Variants in CFH observed in about 807,000 individuals in gnomAD.
CFH encodes complement factor H, also known as H factor 1 (complement).
Under a neutral mutation model 147.3 loss-of-function variants are expected in CFH, and 53 were observed. The observed-to-expected ratio is 0.36, with a 90% confidence interval of 0.29 to 0.45. CFH has a LOEUF of 0.45. Among genes scored for constraint, CFH ranks in the 20% least tolerant of loss-of-function variants. The probability of loss-of-function intolerance (pLI) is 1.00; values close to 1 mark genes in which losing one functional copy is unlikely to be tolerated. For missense variants in CFH, 1,380 were observed against 1,498.0 expected (o/e 0.92, Z 1.30); for synonymous variants, 536 against 489.4 (o/e 1.10, Z -1.26).
At chr1:196,740,446 TAGAC>T (rs1652771986) in intron 17 of CFH, among the ~76,000 whole-genome samples, 169 bp from the exon 18 acceptor site, 1 of 152,214 alleles carries the variant, frequency 6.6e-6, no homozygotes, top group Admixed American at 6.5e-5. Flanking sequence ...GACAGTCCGA[TAGAC>T]AGACAGACAC....
chr1:196,724,757 A>G (rs1445798269), intron 11 of CFH, among the ~76,000 whole-genome samples: 1 of 152,154 alleles, frequency 6.6e-6, no homozygotes, highest in East Asian at 1.9e-4. Context: ...AAAAGCCCCA[A>G]TTCTGGTCTA....
intron 15 of CFH, among the ~76,000 whole-genome samples, chr1:196,734,622 A>G (rs1213868477): frequency 6.6e-6 from 1 of 152,176 alleles, no homozygotes; most frequent in African/African-American, 2.4e-5. Context: ...CATAAAGGGA[A>G]TTGTTTCCAG....
chr1:196,708,298 T>G (rs1202612684), intron 9 of CFH, among the ~76,000 whole-genome samples: 1 of 152,180 alleles, frequency 6.6e-6, no homozygotes, highest in Non-Finnish European at 1.5e-5. Flanking sequence ...TTCTGGATGT[T>G]CCAAATATGA....
intron 20 of CFH, among the ~76,000 whole-genome samples, chr1:196,744,709 G>A (rs184751161): frequency 2.0e-5 from 3 of 152,094 alleles, no homozygotes; most frequent in East Asian, 1.9e-4. Flanking sequence ...TTCAAATATC[G>A]AACATAATTG....
At chr1:196,654,910 C>T (rs1181579687) in intron 1 of CFH, among the ~76,000 whole-genome samples, 1 of 152,114 alleles carries the variant, frequency 6.6e-6, no homozygotes, top group Non-Finnish European at 1.5e-5. Context: ...TTCCCCTTTG[C>T]TCCCCCAAAC....
chr1:196,673,974 A>G lies in CFH; in HGVS notation c.350+12A>G. The G allele has an allele frequency of 6.5e-7, 1 of 1,530,202 alleles. No homozygotes were observed. Among genetic ancestry groups the G allele is most frequent in the Non-Finnish European group, 9.1e-7 (1 of 1,103,628 alleles). 94.8% of individuals were successfully genotyped at this position (1,530,202 alleles called of 1,614,324 possible). On this transcript the variant is annotated intron_variant, in intron 3 of 21. Transcript: ENST00000367429. ...ACATGTAATGAGGGGTATGTAGTCC[A>G]TACGAAAAGAGGTTTATAATTAAGA...
At chr1:196,685,329 T>C in intron 7 of CFH, 92 bp downstream of exon 7, 1 of 1,292,040 alleles carries the variant, frequency 7.7e-7, no homozygotes, top group Non-Finnish European at 1.1e-6. Context: ...CAAATATTTG[T>C]CTTATTGTAT....
chr1:196,668,772 G>A (rs771798776), intron 1 of CFH, among the ~76,000 whole-genome samples: 1 of 152,118 alleles, frequency 6.6e-6, no homozygotes, highest in Non-Finnish European at 1.5e-5. Flanking sequence ...GTATGAATCA[G>A]TTTAAACTTC....
rs759581786 is a variant in CFH at position 196,725,278 on chromosome 1, T to C, written c.1854T>C (p.Pro618=). Residue 618 remains proline, a synonymous_variant, in exon 12 of 22, where the codon CCT becomes CCC. Coordinates refer to ENST00000367429, the MANE Select transcript of CFH (RefSeq NM_000186.4). ...SVQCYHFGLS[P]DLPICKEQVQ... Reference sequence around the variant, plus strand: ...AGTGCTACCACTTTGGATTGTCTCCTGACCTCCCAATATGTAAAGGTGAAT... The same window carrying C: ...AGTGCTACCACTTTGGATTGTCTCCCGACCTCCCAATATGTAAAGGTGAAT... 3.7e-6 allele frequency: 6 copies of C among 1,613,838 alleles called. No homozygotes were observed. The highest frequency in any genetic ancestry group is 1.1e-5 in the South Asian group (1 of 91,070).
At chr1:196,697,992 C>T (rs1220279302) in intron 9 of CFH, among the ~76,000 whole-genome samples, 8 of 103,572 alleles carry the variant, frequency 7.7e-5, no homozygotes, top group South Asian at 3.1e-4. Context: ...CATCACACAC[C>T]GGGGCCTGTT....
At chr1:196,667,522 G>T (rs939959928) in intron 1 of CFH, among the ~76,000 whole-genome samples, 3 of 151,584 alleles carry the variant, frequency 2.0e-5, no homozygotes, top group South Asian at 2.1e-4. Flanking sequence ...TCTTACTTTG[G>T]TTGATACTTT....
chr1:196,680,388 G>T (rs924846859), intron 6 of CFH, among the ~76,000 whole-genome samples: 2 of 150,838 alleles, frequency 1.3e-5, no homozygotes, highest in African/African-American at 4.9e-5. Flanking sequence ...TCTCAACTGT[G>T]CTCTTTGCCC....
At chr1:196,657,091 A>C (rs1666727376) in intron 1 of CFH, among the ~76,000 whole-genome samples, 1 of 152,214 alleles carries the variant, frequency 6.6e-6, no homozygotes, top group Admixed American at 6.5e-5. Flanking sequence ...ACCTGGGCTC[A>C]AGCAATCCTC....
chr1:196,713,736 A>C lies in CFH; in HGVS notation c.1338A>C (p.Lys446Asn). 2 of 1,568,222 alleles carry C rather than the reference A, an allele frequency of 1.3e-6. No individual in the cohort carries two copies. Among genetic ancestry groups the C allele is most frequent in the Non-Finnish European group, 1.8e-6 (2 of 1,140,292 alleles). ...TTTTCTTATTCTCTTCCCTTTTAGA[A>C]ACATGTTCCAAATCAAGTATAGATA... is the stretch of plus-strand genomic sequence containing the variant. ...WSPTPRCIRVKTCSKSSIDIE... is the reference protein window; with the variant it reads ...WSPTPRCIRVNTCSKSSIDIE... The change falls in exon 10 of 22, where the codon AAA (lysine) becomes AAC (asparagine). Residue 446 changes from lysine (K) to asparagine (N), a missense_variant and splice_region_variant. Lys to Asn is a moderately conservative substitution (Grantham distance 94). Coordinates refer to ENST00000367429, the MANE Select transcript of CFH (RefSeq NM_000186.4).
intron 10 of CFH, among the ~76,000 whole-genome samples, chr1:196,714,310 G>T (rs1385885320): frequency 6.6e-6 from 1 of 151,738 alleles, no homozygotes; most frequent in Non-Finnish European, 1.5e-5. Context: ...TGGATGCCTA[G>T]TGCATAACAT....
chr1:196,709,033 C>T (rs2149099866), intron 9 of CFH, among the ~76,000 whole-genome samples: 1 of 152,280 alleles, frequency 6.6e-6, no homozygotes, highest in Non-Finnish European at 1.5e-5. Flanking sequence ...CGGAACTACA[C>T]TTGATTTTCT....
intron 1 of CFH, among the ~76,000 whole-genome samples, chr1:196,656,130 C>T (rs1158552591): frequency 6.6e-6 from 1 of 151,808 alleles, no homozygotes; most frequent in Non-Finnish European, 1.5e-5. Context: ...ATGGTGAAAC[C>T]CCATCTCTAC....
rs770743429 is a variant in CFH at position 196,726,802 on chromosome 1, G to C, written c.2098G>C (p.Gly700Arg). 6.2e-7 allele frequency: 1 copy of C among 1,613,764 alleles called. No homozygotes were observed. The highest frequency in any genetic ancestry group is 8.5e-7 in the Non-Finnish European group (1 of 1,179,832). ...TGGAGATATACCTGAACTTGAACATGGCTGGGCCCAGCTTTCTTCCCCTCC... is the reference window on the plus strand; with the variant it reads ...TGGAGATATACCTGAACTTGAACATCGCTGGGCCCAGCTTTCTTCCCCTCC... ...TCGDIPELEH[G>R]WAQLSSPPYY... The change falls in exon 14 of 22, where the codon GGC becomes CGC. Residue 700 changes from glycine to arginine, a missense_variant. Physicochemically the swap from Gly to Arg is moderately radical, Grantham distance 125 (BLOSUM62 -2). This residue lies in a region of CFH where 830 missense variants were observed against 821.4 expected (regional missense o/e 1.01). Transcript: ENST00000367429.
intron 1 of CFH, among the ~76,000 whole-genome samples, chr1:196,653,027 A>G (rs1390159106): frequency 6.6e-6 from 1 of 151,874 alleles, no homozygotes; most frequent in Non-Finnish European, 1.5e-5. Flanking sequence ...TATTATTCAT[A>G]ATTTCTAAAA....
Sources: gnomAD v4.1 joint callset for allele counts (sites outside exome capture counted in the v4.1 genomes callset) on GRCh38, gnomAD v4.1.1 for gene constraint, gnomAD v4.1.1 regional missense constraint, MANE v1.5 for transcripts, NCBI Gene and HGNC (gene_info 2026-07-23, HGNC 2026-07-21) for gene names.